The following ZNF37A variants were observed in gnomAD, a reference collection of about 807,000 sequenced individuals.
ZNF37A encodes zinc finger protein 37A.
A neutral mutation model predicts 12.3 loss-of-function variants in ZNF37A; 10 were observed. That is an observed-to-expected ratio of 0.82 (90% CI 0.50 to 1.38). ZNF37A has a LOEUF of 1.38. Among genes scored for constraint, ZNF37A ranks in the 40% most tolerant of loss-of-function variants. The probability of loss-of-function intolerance (pLI) is 0.00; values close to 1 mark genes in which losing one functional copy is unlikely to be tolerated. For missense variants in ZNF37A, 580 were observed against 651.2 expected (o/e 0.89, Z 1.19); for synonymous variants, 207 against 223.0 (o/e 0.93, Z 0.64).
intron 5 of ZNF37A, 100 bp from the exon 6 acceptor site, chr10:38,114,655 A>T (rs774082946): frequency 4.7e-6 from 7 of 1,498,384 alleles, no homozygotes; most frequent in Admixed American, 1.7e-5. Flanking sequence ...TTTCTATTTA[A>T]TTTTCAACAA....
At chr10:38,097,428 A>T (rs1396047730) in intron 5 of ZNF37A, among the ~76,000 whole-genome samples, 2 of 151,806 alleles carry the variant, frequency 1.3e-5, no homozygotes, top group African/African-American at 2.4e-5. Flanking sequence ...AAATACAAAA[A>T]TTAGCTTGGC....
At chr10:38,125,319 T>C (rs2069908737), downstream of ZNF37A, 1 of 152,082 alleles carries the variant, frequency 6.6e-6, no homozygotes, top group Non-Finnish European at 1.5e-5. Context: ...TGGTTAAGAA[T>C]AGAAGAAAAA....
At chr10:38,132,869 G>A (rs1241927933) in intron 7 of ZNF37A, among the ~76,000 whole-genome samples, 4 of 151,498 alleles carry the variant, frequency 2.6e-5, no homozygotes, top group African/African-American at 9.7e-5. Context: ...TTTAAGTAGA[G>A]CACTGAAGTC....
intron 5 of ZNF37A, among the ~76,000 whole-genome samples, chr10:38,102,869 A>G (rs1157743933): frequency 6.6e-6 from 1 of 152,092 alleles, no homozygotes; most frequent in Non-Finnish European, 1.5e-5. Context: ...TAAAGGTGCC[A>G]TTATCTTACT....
intron 5 of ZNF37A, among the ~76,000 whole-genome samples, chr10:38,097,609 A>AAAAAAAAAAAAAAAAAAG (rs2067255714): frequency 6.9e-6 from 1 of 143,958 alleles, no homozygotes; most frequent in African/African-American, 2.7e-5. Flanking sequence ...AAAAAAAAAA[A>AAAAAAAAAAAAAAAAAAG]AAAAATCACA....
At chr10:38,114,973 A>G in intron 6 of ZNF37A, 92 bp downstream of exon 6, 1 of 1,484,474 alleles carries the variant, frequency 6.7e-7, no homozygotes, top group South Asian at 1.4e-5. Flanking sequence ...ATATAATAAT[A>G]TTTAGGTTTG....
chr10:38,116,128 G>A (rs776867413), intron 7 of ZNF37A, among the ~76,000 whole-genome samples: 6 of 152,060 alleles, frequency 3.9e-5, no homozygotes, highest in South Asian at 2.1e-4. Flanking sequence ...CGATTTCAGC[G>A]TGAAGCCTGA....
Position 38,117,658 on chromosome 10 carries a change from A to G in ZNF37A, c.507A>G (p.Thr169=), listed in dbSNP as rs16905732. Residue 169 remains threonine (T), a synonymous_variant, in exon 8 of 8, where the codon ACA becomes ACG. Transcript: ENST00000685332. ...SLFLVHKRGY[T]GQKTCKYTEH... The stretch of plus-strand genomic sequence containing the variant: ...TCCTTGTACATAAGAGAGGTTACAC[A>G]GGACAGAAAACCTGCAAATATACTG... 3,425 of 1,613,998 alleles carry G rather than the reference A, an allele frequency of 2.1e-3. 65 individuals are homozygous for G. The African/African-American group carries it at 0.039, about 19-fold the overall frequency.
At chr10:38,115,311 T>C (rs1203908751) in intron 7 of ZNF37A, 21 bp downstream of exon 7, 10 of 1,610,034 alleles carry the variant, frequency 6.2e-6, no homozygotes, top group Non-Finnish European at 8.5e-6. Context: ...ATGTGCCAGA[T>C]GGAATTTAAA....
At chr10:38,115,496 G>GT (rs138295167) in intron 7 of ZNF37A, 61,250 of 514,880 alleles carry the variant, frequency 0.12, 4,057 homozygotes, top group Admixed American at 0.18. Context: ...ACATCTTGTT[G>GT]TTTTTTTTAA....
chr10:38,146,880 C>T, exon 8 of ZNF37A: 1 of 396,742 alleles, frequency 2.5e-6, no homozygotes, highest in Non-Finnish European at 4.4e-6. Context: ...TCGGGGATAA[C>T]AGCCTTCAGA....
chr10:38,145,333 GAAAC>G (rs1020721190), intron 7 of ZNF37A, among the ~76,000 whole-genome samples: 46 of 152,268 alleles, frequency 3.0e-4, no homozygotes, highest in African/African-American at 1.1e-3. Context: ...ATTTAGGAAA[GAAAC>G]AAATTGTCTT....
At chr10:38,096,695 A>G (rs2067180459) in intron 5 of ZNF37A, 63 bp downstream of exon 5, 5 of 1,486,060 alleles carry the variant, frequency 3.4e-6, no homozygotes, top group South Asian at 2.3e-5. Flanking sequence ...AAAAATGTCT[A>G]TACATTCATA....
At chr10:38,108,215 T>A (rs888768037) in intron 5 of ZNF37A, among the ~76,000 whole-genome samples, 6 of 152,128 alleles carry the variant, frequency 3.9e-5, no homozygotes, top group African/African-American at 1.4e-4. Flanking sequence ...ACTGCACAAT[T>A]ACATGAAAAC....
At chr10:38,126,957 C>T (rs1407685828), downstream of ZNF37A, among the ~76,000 whole-genome samples, 1 of 152,168 alleles carries the variant, frequency 6.6e-6, no homozygotes, top group Admixed American at 6.6e-5. Flanking sequence ...GCCAAACAGT[C>T]AACTGAGGAT....
intron 7 of ZNF37A, among the ~76,000 whole-genome samples, chr10:38,145,080 T>G (rs1013360096): frequency 1.1e-4 from 17 of 152,294 alleles, no homozygotes; most frequent in Middle Eastern, 3.4e-3. Context: ...AAATCCCTTC[T>G]CACTCCTTCA....
At chr10:38,146,280 T>G (rs1247691947) in intron 7 of ZNF37A, among the ~76,000 whole-genome samples, 1 of 152,128 alleles carries the variant, frequency 6.6e-6, no homozygotes, top group Non-Finnish European at 1.5e-5. Context: ...GGTGTTTTAT[T>G]TATTTATTTA....
intron 5 of ZNF37A, among the ~76,000 whole-genome samples, chr10:38,107,437 A>G (rs1590841462): frequency 1.3e-5 from 2 of 152,224 alleles, no homozygotes; most frequent in African/African-American, 4.8e-5. Flanking sequence ...CTATGAAAAA[A>G]CTGCATCAAC....
At chr10:38,144,102 T>A (rs1393510539) in intron 7 of ZNF37A, 1 of 152,226 alleles carries the variant, frequency 6.6e-6, no homozygotes, top group Non-Finnish European at 1.5e-5. Context: ...AGTTTTCTAG[T>A]CATGAAACCT....
Sources: allele counts gnomAD v4.1 joint callset (sites outside exome capture counted in the v4.1 genomes callset), GRCh38; gene constraint gnomAD v4.1.1; transcripts MANE v1.5; gene names NCBI Gene and HGNC (gene_info 2026-07-23, HGNC 2026-07-21).